TOGARAM1: variants seen among roughly 807,000 people sequenced by gnomAD.
TOGARAM1 encodes TOG array regulator of axonemal microtubules protein 1.
Under a neutral mutation model 166.6 loss-of-function variants are expected in TOGARAM1, and 100 were observed. The observed-to-expected ratio is 0.60, with a 90% confidence interval of 0.51 to 0.71. The LOEUF (loss-of-function observed/expected upper bound fraction) is 0.71. Among genes scored for constraint, TOGARAM1 ranks in the 30% least tolerant of loss-of-function variants. The pLI, the probability that TOGARAM1 is intolerant of heterozygous loss-of-function variation, is 0.00. For synonymous variants in TOGARAM1, 758 were observed against 763.8 expected (o/e 0.99, Z 0.13); for missense variants, 2,029 against 2,102.7 (o/e 0.96, Z 0.69).
intron 2 of TOGARAM1, 118 bp downstream of exon 2, chr14:44,996,020 T>C (rs1887395797): frequency 1.6e-5 from 11 of 698,788 alleles, no homozygotes; most frequent in Non-Finnish European, 2.4e-5. Flanking sequence ...CAATAAGTTA[T>C]TTATTGAAGA....
intron 1 of TOGARAM1, among the ~76,000 whole-genome samples, chr14:44,990,045 T>G (rs1887046702): frequency 6.6e-6 from 1 of 152,184 alleles, no homozygotes; most frequent in African/African-American, 2.4e-5. Flanking sequence ...GTCCCCATGA[T>G]CCAGTCACCT....
At chr14:44,992,988 T>A (rs1388488116) in intron 1 of TOGARAM1, among the ~76,000 whole-genome samples, 1 of 151,394 alleles carries the variant, frequency 6.6e-6, no homozygotes, top group Non-Finnish European at 1.5e-5. Flanking sequence ...ATAGGCTGTG[T>A]GTAGTGGCTC....
At chr14:45,029,831 T>G (rs1004910342) in intron 10 of TOGARAM1, among the ~76,000 whole-genome samples, 1 of 150,876 alleles carries the variant, frequency 6.6e-6, no homozygotes, top group South Asian at 2.1e-4. Context: ...TTTTTGTTGG[T>G]TTTTTTTTGA....
At chr14:45,066,818 G>A (rs748925051) in intron 17 of TOGARAM1, 51 bp downstream of exon 17, 3 of 1,481,244 alleles carry the variant, frequency 2.0e-6, no homozygotes, top group South Asian at 1.3e-5. Context: ...GCTCACGCCT[G>A]TAATCCAAGC....
rs1171659674 is a variant in TOGARAM1, at chr14:45,027,254, A to G, written c.3329-45A>G. 1.9e-6 allele frequency: 3 copies of G among 1,598,292 alleles called. No individual in the cohort carries two copies. In the South Asian group the frequency reaches 3.4e-5, roughly 18 times the overall value. ...CTTAAACTTTGTTGTCTAGAGTACCATCACATAATTAGTTAATGACTATTT... is the reference window on the plus strand; with the variant it reads ...CTTAAACTTTGTTGTCTAGAGTACCGTCACATAATTAGTTAATGACTATTT... On this transcript the variant is annotated intron_variant, in intron 8 of 19. Transcript: ENST00000361462.
In TOGARAM1 at chr14:44,994,553, GGAC is replaced by G. The variant is rs534933326; in HGVS notation, c.2047-1189_2047-1187del. Reference sequence around the variant, plus strand: ...CCTACCTCAGCCTCCCGATTAGTTGGGACGACAGGCACATGCCACCATGCCTGG... The same window carrying G: ...CCTACCTCAGCCTCCCGATTAGTTGGGACAGGCACATGCCACCATGCCTGG... On this transcript the variant is annotated intron_variant, in intron 1 of 19. Transcript: ENST00000361462. 1.4e-4 allele frequency among the ~76,000 whole-genome samples: 22 copies of G among 152,150 alleles called. 1 individual carries two copies. The South Asian group carries it at 4.6e-3, about 32-fold the overall frequency.
chr14:45,055,705 G>C (rs866348450), intron 16 of TOGARAM1, among the ~76,000 whole-genome samples: 2 of 151,596 alleles, frequency 1.3e-5, no homozygotes, highest in East Asian at 3.9e-4. Context: ...TTGGGAGGCT[G>C]AGGCAGGAGA....
intron 15 of TOGARAM1, among the ~76,000 whole-genome samples, chr14:45,054,022 C>T (rs909653367): frequency 6.6e-6 from 1 of 151,834 alleles, no homozygotes; most frequent in Non-Finnish European, 1.5e-5. Flanking sequence ...AGGATTACAC[C>T]ACCATGCCCA....
At chr14:45,029,716 C>T (rs1025589102) in intron 10 of TOGARAM1, among the ~76,000 whole-genome samples, 8 of 152,140 alleles carry the variant, frequency 5.3e-5, no homozygotes, top group African/African-American at 1.9e-4. Flanking sequence ...TACATACAGA[C>T]AATATTTAGC....
chr14:45,063,166 A>C (rs1283533784), intron 16 of TOGARAM1, among the ~76,000 whole-genome samples: 1 of 152,094 alleles, frequency 6.6e-6, no homozygotes, highest in Non-Finnish European at 1.5e-5. Flanking sequence ...AGCATTTATC[A>C]ATACTTCATT....
At chr14:45,014,428 A>T (rs1324375346) in intron 7 of TOGARAM1, among the ~76,000 whole-genome samples, 1 of 152,116 alleles carries the variant, frequency 6.6e-6, no homozygotes, top group Non-Finnish European at 1.5e-5. Flanking sequence ...TATTTCTAGG[A>T]TCAAGTTTTA....
At chr14:45,037,188 A>T (rs1455356485) in intron 11 of TOGARAM1, among the ~76,000 whole-genome samples, 1 of 152,198 alleles carries the variant, frequency 6.6e-6, no homozygotes, top group Non-Finnish European at 1.5e-5. Context: ...ATTATGTGCC[A>T]CACACACAGA....
At chr14:44,981,459 G>GT (rs1566606165) in intron 1 of TOGARAM1, among the ~76,000 whole-genome samples, 1 of 152,196 alleles carries the variant, frequency 6.6e-6, no homozygotes, top group African/African-American at 2.4e-5. Flanking sequence ...TGGTGAGGGA[G>GT]TTTCAAGGAG....
At chr14:44,984,872 C>T (rs769042030) in intron 1 of TOGARAM1, among the ~76,000 whole-genome samples, 1 of 152,082 alleles carries the variant, frequency 6.6e-6, no homozygotes, top group Non-Finnish European at 1.5e-5. Flanking sequence ...ATATCGATTA[C>T]CTTGTATACA....
chr14:44,967,369 A>G (rs1885616489), intron 1 of TOGARAM1, among the ~76,000 whole-genome samples: 1 of 151,674 alleles, frequency 6.6e-6, no homozygotes, highest in Admixed American at 6.6e-5. Context: ...CCCTCCCCCC[A>G]CAAAATTGCT....
intron 7 of TOGARAM1, chr14:45,023,025 A>G (rs1880615287): frequency 6.6e-6 from 1 of 152,122 alleles, no homozygotes; most frequent in Non-Finnish European, 1.5e-5. Context: ...CCTTCTCCTA[A>G]TTCTAGTGCC....
chr14:45,027,248 A>C, intron 8 of TOGARAM1, 51 bp from the exon 9 acceptor site: 1 of 1,581,314 alleles, frequency 6.3e-7, no homozygotes. Context: ...TGTTGTCTAG[A>C]GTACCATCAC....
At position 44,994,903 on chromosome 14, in the gene TOGARAM1, T is replaced by C. The variant is rs1177199572; in HGVS notation, c.2047-843T>C. Among the ~76,000 whole-genome samples the C allele has an allele frequency of 3.9e-5, 6 of 152,362 alleles. No individual in the cohort carries two copies. The East Asian group carries it at 1.2e-3, about 29-fold the overall frequency. On this transcript the variant is annotated intron_variant, in intron 1 of 19. Transcript: ENST00000361462. ...CAAAGAAATATACTGACAAGGTTTT[T>C]AGTTCACCACATCTAGATTTGATTG... is the stretch of plus-strand genomic sequence containing the variant.
chr14:45,043,704 A>G lies in TOGARAM1; in HGVS notation c.3831A>G (p.Gly1277=). 3.1e-6 allele frequency: 5 copies of G among 1,606,698 alleles called. No homozygotes were observed. Among genetic ancestry groups the G allele is most frequent in the Non-Finnish European group, 4.3e-6 (5 of 1,173,412 alleles). Residue 1277 remains glycine, a synonymous_variant, in exon 12 of 20, where the codon GGA becomes GGG. Transcript: ENST00000361462. ...ADEDWEKKIE[G]LNFIRCLAAF... is the part of the protein sequence containing the mutation. ...CTCATAGGGAGAAGAAAATTGAGGG[A>G]CTGAATTTTATTAGATGCTTAGCTG...
Sources: gnomAD v4.1 joint callset for allele counts (sites outside exome capture counted in the v4.1 genomes callset) on GRCh38, gnomAD v4.1.1 for gene constraint, MANE v1.5 for transcripts, NCBI Gene and HGNC (gene_info 2026-07-23, HGNC 2026-07-21) for gene names.